TAF12: variants seen among roughly 807,000 people sequenced by gnomAD.
TAF12 encodes transcription initiation factor TFIID subunit 12.
A neutral mutation model predicts 20.8 loss-of-function variants in TAF12; 3 were observed. The ratio of observed to expected loss-of-function variants is 0.14; its 90% CI spans 0.07 to 0.37. The LOEUF (loss-of-function observed/expected upper bound fraction) is 0.37. TAF12 is among the 10% of genes least tolerant of loss of function. TAF12 has a pLI of 1.00. For synonymous variants in TAF12, 69 were observed against 70.2 expected, an observed-to-expected ratio of 0.98 and a Z score of 0.09; for missense variants, 131 against 197.9, an observed-to-expected ratio of 0.66 and a Z score of 2.03.
chr1:28,615,678 CAAAAAAAAAAA>C (rs57536422), intron 3 of TAF12, among the ~76,000 whole-genome samples: 1 of 34,494 alleles, frequency 2.9e-5, no homozygotes, highest in African/African-American at 1.3e-4. Flanking sequence ...GACTCCGTCT[CAAAAAAAAAAA>C]AAAAAAAAAA....
chr1:28,627,671 A>AAG (rs747439618), intron 1 of TAF12, among the ~76,000 whole-genome samples: 2 of 96,878 alleles, frequency 2.1e-5, no homozygotes, highest in Admixed American at 1.1e-4. Flanking sequence ...CCCTCAAAAA[A>AAG]AAAAAAAAAA....
In TAF12 at chr1:28,605,320, G is replaced by A. The variant is rs768719907; in HGVS notation, c.450+52C>T. The A allele has an allele frequency of 2.1e-5, 34 of 1,588,390 alleles. No individual in the cohort carries two copies. In the East Asian group the frequency reaches 3.1e-4, roughly 15 times the overall value. On this transcript the variant is annotated intron_variant, in intron 5 of 5. Coordinates refer to ENST00000373824, the MANE Select transcript of TAF12 (RefSeq NM_005644.4). ...TAGCTGTGTGTATCCACTCTGAGAC[G>A]TAACTCAAGGAATCAGCCCTGGCTG...
intron 1 of TAF12, among the ~76,000 whole-genome samples, chr1:28,633,046 G>C (rs1025225857): frequency 6.6e-6 from 1 of 150,968 alleles, no homozygotes; most frequent in Non-Finnish European, 1.5e-5. Context: ...TTTTTATTTA[G>C]TACAGACGGG....
chr1:28,637,869 C>T (rs78645041), intron 1 of TAF12, among the ~76,000 whole-genome samples: 1,761 of 152,168 alleles, frequency 0.012, 14 homozygotes, highest in South Asian at 0.021. Context: ...AGTATGTCTT[C>T]GCCAGGTGTC....
At chr1:28,647,614 C>T (rs1411485699), upstream of TAF12, among the ~76,000 whole-genome samples, 1 of 152,208 alleles carries the variant, frequency 6.6e-6, no homozygotes, top group Non-Finnish European at 1.5e-5. Flanking sequence ...TGGCTCACGC[C>T]TATAATCCCA....
chr1:28,626,975 A>C (rs975662649), intron 1 of TAF12, among the ~76,000 whole-genome samples: 1 of 152,228 alleles, frequency 6.6e-6, no homozygotes, highest in Non-Finnish European at 1.5e-5. Flanking sequence ...CATAGTACCA[A>C]ATATGAATAT....
intron 2 of TAF12, among the ~76,000 whole-genome samples, chr1:28,620,399 C>G (rs570279593): frequency 6.6e-6 from 1 of 151,746 alleles, no homozygotes; most frequent in South Asian, 2.1e-4. Flanking sequence ...TCCCAAAGTG[C>G]TGGGATTACA....
chr1:28,633,064 C>T (rs1294260027), intron 1 of TAF12, among the ~76,000 whole-genome samples: 3 of 151,610 alleles, frequency 2.0e-5, no homozygotes, highest in Non-Finnish European at 4.4e-5. Context: ...GGGGTTTCAC[C>T]ATGTTAGACT....
chr1:28,644,785 T>G (rs538655304), upstream of TAF12, among the ~76,000 whole-genome samples: 4 of 152,150 alleles, frequency 2.6e-5, no homozygotes, highest in Admixed American at 2.0e-4. Flanking sequence ...GACAATGAGT[T>G]TGGAGAGGTA....
At chr1:28,646,273 T>C (rs1466051652), upstream of TAF12, 2 of 152,072 alleles carry the variant, frequency 1.3e-5, no homozygotes, top group Non-Finnish European at 2.9e-5. Flanking sequence ...CAACACACTG[T>C]CTCAGGAAAA....
chr1:28,642,509 C>A, intron 1 of TAF12: 1 of 448,974 alleles, frequency 2.2e-6, no homozygotes, highest in Non-Finnish European at 2.9e-6. Context: ...CTTCTGTTCC[C>A]TTCCAAACTC....
chr1:28,634,722 A>G (rs539401005), intron 1 of TAF12, among the ~76,000 whole-genome samples: 30 of 150,484 alleles, frequency 2.0e-4, no homozygotes, highest in Non-Finnish European at 4.0e-4. Flanking sequence ...CTGAGGTCGG[A>G]AGTTTGAGAC....
At chr1:28,624,321 T>C (rs530828679) in intron 1 of TAF12, among the ~76,000 whole-genome samples, 71 of 152,172 alleles carry the variant, frequency 4.7e-4, no homozygotes, top group Non-Finnish European at 1.0e-4. Context: ...AATTGTGGGA[T>C]ATGAGCCTGC....
intron 3 of TAF12, among the ~76,000 whole-genome samples, chr1:28,616,890 C>T (rs1312314746): frequency 6.6e-6 from 1 of 151,808 alleles, no homozygotes; most frequent in Non-Finnish European, 1.5e-5. Flanking sequence ...GAGGCCAAGG[C>T]AGGTGGATCA....
chr1:28,615,569 C>G (rs1667005370), intron 3 of TAF12, among the ~76,000 whole-genome samples: 1 of 149,004 alleles, frequency 6.7e-6, no homozygotes, highest in African/African-American at 2.5e-5. Context: ...GTCCCAGCTT[C>G]TCAGGAGGCT....
intron 1 of TAF12, among the ~76,000 whole-genome samples, chr1:28,640,999 T>C (rs561089446): frequency 6.6e-6 from 1 of 151,788 alleles, no homozygotes; most frequent in Non-Finnish European, 1.5e-5. Context: ...AGCCCAAGAA[T>C]ATAGGTTGCA....
chr1:28,630,043 T>A (rs529888159), intron 1 of TAF12, among the ~76,000 whole-genome samples: 2 of 152,228 alleles, frequency 1.3e-5, no homozygotes, highest in East Asian at 3.9e-4. Context: ...GGACTCAAGC[T>A]ATCCTCCCAC....
Position 28,603,421 on chromosome 1 carries a change from A to T in TAF12, c.*118T>A, listed in dbSNP as rs1666568625. Reference sequence around the variant, plus strand: ...TTATAGATATTGCTGCACTGTTAATAAAAAATATATGCTTCTCTGTAAAGC... The same window carrying T: ...TTATAGATATTGCTGCACTGTTAATTAAAAATATATGCTTCTCTGTAAAGC... On this transcript the variant is annotated 3_prime_UTR_variant, in exon 6 of 6. Transcript: ENST00000373824. 1 of 1,104,142 alleles carries T rather than the reference A, an allele frequency of 9.1e-7. No individual in the cohort carries two copies. Among genetic ancestry groups the T allele is most frequent in the Non-Finnish European group, 1.3e-6 (1 of 744,684 alleles). 68.4% of individuals were successfully genotyped at this position (1,104,142 alleles called of 1,614,324 possible).
At chr1:28,635,327 A>G in intron 1 of TAF12, among the ~76,000 whole-genome samples, 1 of 91,896 alleles carries the variant, frequency 1.1e-5, no homozygotes. Context: ...TGTGTCGCCC[A>G]GGCTACAGTG....
Sources: gnomAD v4.1 joint callset for allele counts (sites outside exome capture counted in the v4.1 genomes callset) on GRCh38, gnomAD v4.1.1 for gene constraint, MANE v1.5 for transcripts, NCBI Gene and HGNC (gene_info 2026-07-23, HGNC 2026-07-21) for gene names.